The following SHROOM3 variants were observed in gnomAD, a reference collection of about 807,000 sequenced individuals.
The protein encoded by SHROOM3 is protein Shroom3.
In SHROOM3, 47 loss-of-function variants were observed where a neutral mutation model predicts 138.6. The observed-to-expected ratio is 0.34, with a 90% CI of 0.27 to 0.43. The LOEUF (loss-of-function observed/expected upper bound fraction) is 0.43, where lower values mean the gene tolerates loss of function less well. SHROOM3 is among the 20% of genes least tolerant of loss of function. The pLI is 1.00. For synonymous variants in SHROOM3, 1,062 were observed against 1,063.3 expected (o/e 1.00, Z 0.02); for missense variants, 2,491 against 2,596.5 (o/e 0.96, Z 0.88).
chr4:76,581,605 G>A (rs536199780), intron 2 of SHROOM3, among the ~76,000 whole-genome samples: 3 of 152,176 alleles, frequency 2.0e-5, no homozygotes, highest in Admixed American at 6.5e-5. Flanking sequence ...AGTGTAAAAT[G>A]AGCATTGGGC....
At chr4:76,777,280 T>C (rs2109799179) in intron 10 of SHROOM3, among the ~76,000 whole-genome samples, 1 of 152,312 alleles carries the variant, frequency 6.6e-6, no homozygotes, top group African/African-American at 2.4e-5. Flanking sequence ...CTTTCAGCAG[T>C]GTTTTATAGT....
chr4:76,511,190 AT>A lies in SHROOM3; in HGVS notation c.169-44418del, dbSNP rs774765622. Reference sequence around the variant, plus strand: ...AGAGGGAAACTCCATCTCAAAAATAATAATAATAATAATAATAATGCCACAG... The same window carrying A: ...AGAGGGAAACTCCATCTCAAAAATAAAATAATAATAATAATAATGCCACAG... On this transcript the variant is annotated intron_variant, in intron 1 of 10. Transcript: ENST00000296043. Among the ~76,000 whole-genome samples the A allele has an allele frequency of 5.2e-4, 79 of 151,810 alleles. 1 individual carries two copies. Among genetic ancestry groups the A allele is most frequent in the African/African-American group, 1.6e-3 (67 of 41,396 alleles).
At chr4:76,632,449 A>G (rs560641234) in intron 2 of SHROOM3, among the ~76,000 whole-genome samples, 1 of 152,156 alleles carries the variant, frequency 6.6e-6, no homozygotes, top group Non-Finnish European at 1.5e-5. Context: ...TCAAGAAAAG[A>G]AAGTGTTTAA....
rs1237972573 is a variant in SHROOM3 at position 76,741,998 on chromosome 4, C to T, written c.3753+72C>T. The T allele has an allele frequency of 1.9e-6, 3 of 1,547,888 alleles. No individual in the cohort carries two copies. Among genetic ancestry groups the T allele is most frequent in the Middle Eastern group, 1.7e-4 (1 of 6,004 alleles). ...TAGAAGCTTTAGTGGGGCTCCCCAA[C>T]CCCCCACACTCTCACCCGCTCTCCC... On this transcript the variant is annotated intron_variant, in intron 5 of 10. Transcript: ENST00000296043. The surrounding 1 kb of genome is among the most constrained non-coding windows in gnomAD (Gnocchi z 6.2).
At chr4:76,748,536 G>T (rs1009156828) in intron 5 of SHROOM3, among the ~76,000 whole-genome samples, 2 of 152,078 alleles carry the variant, frequency 1.3e-5, no homozygotes, top group African/African-American at 4.8e-5. Flanking sequence ...TATTGCACCC[G>T]ATTACAATCC....
chr4:76,606,294 G>T (rs893007801), intron 2 of SHROOM3, among the ~76,000 whole-genome samples: 1 of 151,234 alleles, frequency 6.6e-6, no homozygotes, highest in South Asian at 2.1e-4. Context: ...TTACAGGTGT[G>T]AGCCACCAAA....
chr4:76,460,322 A>C (rs1035428686), intron 1 of SHROOM3, among the ~76,000 whole-genome samples: 1 of 152,198 alleles, frequency 6.6e-6, no homozygotes, highest in Non-Finnish European at 1.5e-5. Flanking sequence ...ATAGTGATTA[A>C]AAGCACAAGC....
chr4:76,646,112 CTAAT>C (rs1735807854), intron 2 of SHROOM3, among the ~76,000 whole-genome samples: 1 of 151,310 alleles, frequency 6.6e-6, no homozygotes, highest in South Asian at 2.1e-4. Context: ...GGAGATATAC[CTAAT>C]GTAAACGATG....
intron 2 of SHROOM3, among the ~76,000 whole-genome samples, chr4:76,622,935 C>A (rs2110067238): frequency 6.6e-6 from 1 of 152,266 alleles, no homozygotes; most frequent in South Asian, 2.1e-4. Flanking sequence ...TTCCTTCCAA[C>A]TTTTGAGTTA....
At chr4:76,566,517 G>A (rs1002209499) in intron 2 of SHROOM3, among the ~76,000 whole-genome samples, 7 of 152,114 alleles carry the variant, frequency 4.6e-5, no homozygotes, top group African/African-American at 1.2e-4. Context: ...TTCCATAAAG[G>A]ATTGTTAAAT....
chr4:76,569,967 G>A (rs1449314067), intron 2 of SHROOM3, among the ~76,000 whole-genome samples: 2 of 152,172 alleles, frequency 1.3e-5, no homozygotes, highest in Non-Finnish European at 2.9e-5. Flanking sequence ...GATGAGATCA[G>A]TGTCCATTTG....
At chr4:76,644,255 CTTTTTTT>C (rs757146332) in intron 2 of SHROOM3, 1 of 139,272 alleles carries the variant, frequency 7.2e-6, no homozygotes, top group Non-Finnish European at 1.6e-5. Flanking sequence ...TTTTCTTTTT[CTTTTTTT>C]TTTTTTTGGC....
At chr4:76,527,525 G>C (rs2110013747) in intron 1 of SHROOM3, among the ~76,000 whole-genome samples, 1 of 152,350 alleles carries the variant, frequency 6.6e-6, no homozygotes, top group South Asian at 2.1e-4. Flanking sequence ...AGAGGTTGCA[G>C]TAAGCCGAGA....
At chr4:76,692,339 C>T (rs1460421104) in intron 2 of SHROOM3, among the ~76,000 whole-genome samples, 1 of 152,176 alleles carries the variant, frequency 6.6e-6, no homozygotes, top group African/African-American at 2.4e-5. Flanking sequence ...TGGGAGGCAT[C>T]CCAGGAACTG....
chr4:76,771,513 C>T (rs979360811), intron 10 of SHROOM3, among the ~76,000 whole-genome samples: 7 of 152,090 alleles, frequency 4.6e-5, no homozygotes, highest in African/African-American at 1.7e-4. Flanking sequence ...ATCATGAATA[C>T]ATTAAAACAG....
At chr4:76,716,349 A>C (rs344122) in intron 3 of SHROOM3, 377,101 of 518,686 alleles carry the variant, frequency 0.73, 137,829 homozygotes, top group Non-Finnish European at 0.75. Context: ...TTATTCCACG[A>C]CTGAATATGA....
chr4:76,754,824 A>C lies in SHROOM3; in HGVS notation c.4341A>C (p.Ser1447=), dbSNP rs1239255092. 1.9e-6 allele frequency: 3 copies of C among 1,614,172 alleles called. No homozygotes were observed. Among genetic ancestry groups the C allele is most frequent in the African/African-American group, 2.7e-5 (2 of 75,024 alleles). Residue 1447 remains serine, a synonymous_variant, in exon 7 of 11, where the codon TCA becomes TCC. Coordinates refer to ENST00000296043, the MANE Select transcript of SHROOM3 (RefSeq NM_020859.4). ...AREDSLPEES[S]APDFANLKHY... ...AGGACAGCCTTCCTGAGGAATCCTCAGCCCCTGATTTTGCAAACCTGAAGC... is the reference window on the plus strand; with the variant it reads ...AGGACAGCCTTCCTGAGGAATCCTCCGCCCCTGATTTTGCAAACCTGAAGC...
In SHROOM3 at chr4:76,731,433, T is replaced by C. The variant is rs79891761; in HGVS notation, c.587+498T>C. On this transcript the variant is annotated intron_variant, in intron 4 of 10. Coordinates refer to ENST00000296043, the MANE Select transcript of SHROOM3 (RefSeq NM_020859.4). ...ATACATTATCTCATGTAGTGACTCA[T>C]AGACTTCTTTAAAACAGATACAGTA... Among the ~76,000 whole-genome samples the C allele has an allele frequency of 3.6e-3, 549 of 152,314 alleles. 4 individuals are homozygous for C. The highest frequency in any genetic ancestry group is 0.012 in the African/African-American group (501 of 41,562).
At chr4:76,530,788 A>C (rs1461327488) in intron 1 of SHROOM3, among the ~76,000 whole-genome samples, 3 of 152,192 alleles carry the variant, frequency 2.0e-5, no homozygotes, top group Non-Finnish European at 4.4e-5. Context: ...GACAAGAAGC[A>C]CTCAGAAGAG....
Sources: allele counts gnomAD v4.1 joint callset (sites outside exome capture counted in the v4.1 genomes callset), GRCh38; gene constraint gnomAD v4.1.1; non-coding constraint Gnocchi (gnomAD v3.1); transcripts MANE v1.5; gene names NCBI Gene and HGNC (gene_info 2026-07-23, HGNC 2026-07-21).